Variants in NHSL2 observed in about 807,000 individuals in gnomAD.
NHSL2 encodes the protein NHS like 2.
Under a neutral mutation model 53.4 loss-of-function variants are expected in NHSL2, and 27 were observed. The observed-to-expected ratio is 0.51, with a 90% CI of 0.37 to 0.70. The LOEUF (loss-of-function observed/expected upper bound fraction) is 0.70. NHSL2 is among the 30% of genes least tolerant of loss of function. NHSL2 has a pLI of 0.00. For synonymous variants in NHSL2, 408 were observed against 404.1 expected (o/e 1.01, Z -0.12); for missense variants, 892 against 980.1 (o/e 0.91, Z 1.20).
intron 1 of NHSL2, among the ~76,000 whole-genome samples, chrX:72,014,015 A>C (rs749739882): frequency 8.9e-6 from 1 of 112,027 alleles, no homozygotes; most frequent in East Asian, 2.8e-4. Context: ...GGGCTATTCA[A>C]ATCATCTATT....
rs759639786 is a variant in NHSL2, at chrX:72,130,913, C to T, written c.281-1166C>T. On this transcript the variant is annotated intron_variant, in intron 1 of 7. Coordinates refer to ENST00000633930, the MANE Select transcript of NHSL2 (RefSeq NM_001013627.3). ...GGGAAGTTGGCATGCAAGGGGCTTC[C>T]TTCCTGGGTGACCGAGATGGCCCAG... 142 of 1,210,352 alleles carry T rather than the reference C, an allele frequency of 1.2e-4. 1 individual carries two copies. The South Asian group carries it at 2.5e-3, about 21-fold the overall frequency.
chrX:71,980,559 GGGTGTGTGGGGTGTGTGT>G (rs2041971718), intron 1 of NHSL2, among the ~76,000 whole-genome samples: 1 of 14,714 alleles, frequency 6.8e-5, no homozygotes, highest in African/African-American at 2.1e-4. Flanking sequence ...TGTGTGTGTG[GGGTGTGTGGGGTGTGTGT>G]GTGTGTGTGT....
intron 1 of NHSL2, among the ~76,000 whole-genome samples, chrX:72,118,660 G>A (rs1423843090): frequency 9.0e-6 from 1 of 111,709 alleles, no homozygotes; most frequent in Non-Finnish European, 1.9e-5. Context: ...TCCTGGCCTC[G>A]AGTGATCCTC....
Position 72,139,556 on chromosome X carries a change from C to T in NHSL2, c.2008C>T (p.Gln670Ter). ...CACAGTCATTGAGTGCACCCAAGTT[C>T]AGGGCAGCTCAGAGTCTCTTGCCTC... ...GTTVIECTQV[Q>*]GSSESLASPS... The change falls in exon 6 of 8, where the codon CAG (glutamine) becomes TAG (stop). Residue 670 changes from glutamine to a stop codon, truncating the protein, a stop_gained. Coordinates refer to ENST00000633930, the MANE Select transcript of NHSL2 (RefSeq NM_001013627.3). LOFTEE classifies it high-confidence loss of function. The T allele has an allele frequency of 8.3e-7, 1 of 1,210,768 alleles. No homozygotes were observed. Among genetic ancestry groups the T allele is most frequent in the Non-Finnish European group, 1.1e-6 (1 of 894,865 alleles).
At chrX:72,140,836 C>A in intron 6 of NHSL2, 65 bp downstream of exon 6, 1 of 922,872 alleles carries the variant, frequency 1.1e-6, no homozygotes, top group Non-Finnish European at 1.5e-6. Context: ...GAATGGAGTG[C>A]CAGAGATGGA....
At chrX:72,014,295 G>GTTATTT (rs1944435939) in intron 1 of NHSL2, among the ~76,000 whole-genome samples, 2 of 111,585 alleles carry the variant, frequency 1.8e-5, no homozygotes, top group Admixed American at 9.5e-5. Context: ...TATTTATGCT[G>GTTATTT]TTATTTTTAT....
At chrX:72,132,051 G>C in intron 1 of NHSL2, 28 bp from the exon 2 acceptor site, 1 of 1,162,140 alleles carries the variant, frequency 8.6e-7, no homozygotes, top group Non-Finnish European at 1.1e-6. Context: ...GCTCGCCTGC[G>C]CCTCTCACTG....
intron 1 of NHSL2, among the ~76,000 whole-genome samples, chrX:72,011,410 A>G (rs373862259): frequency 3.6e-5 from 4 of 112,658 alleles, no homozygotes; most frequent in East Asian, 5.6e-4. Context: ...GGTGGCTCAC[A>G]CCTGTAATCC....
intron 1 of NHSL2, among the ~76,000 whole-genome samples, chrX:71,983,004 G>A (rs199703401): frequency 1.8e-5 from 2 of 111,694 alleles, no homozygotes; most frequent in Non-Finnish European, 3.8e-5. Flanking sequence ...TTCAACCTGT[G>A]GGATATGATG....
At chrX:72,075,924 G>GTGTT (rs1259113698) in intron 1 of NHSL2, among the ~76,000 whole-genome samples, 1 of 107,685 alleles carries the variant, frequency 9.3e-6, no homozygotes, top group African/African-American at 3.4e-5. Context: ...GTGTGTGTGT[G>GTGTT]TGTGTTGTGT....
At chrX:72,084,644 C>T (rs1273380151) in intron 1 of NHSL2, among the ~76,000 whole-genome samples, 1 of 112,126 alleles carries the variant, frequency 8.9e-6, no homozygotes, top group Non-Finnish European at 1.9e-5. Flanking sequence ...GGCCGTCAGC[C>T]AGCAGCAGTT....
intron 1 of NHSL2, among the ~76,000 whole-genome samples, chrX:72,098,353 G>C (rs1452936259): frequency 1.8e-5 from 2 of 112,159 alleles, no homozygotes; most frequent in Admixed American, 9.4e-5. Context: ...AGCCGAGACG[G>C]GTGGATCACG....
intron 1 of NHSL2, among the ~76,000 whole-genome samples, chrX:72,085,161 C>G (rs2041826414): frequency 9.0e-6 from 1 of 111,666 alleles, no homozygotes. Flanking sequence ...CTTTAGACCT[C>G]ACTGCAAGTC....
chrX:72,142,644 A>G (rs1464820535), intron 7 of NHSL2, among the ~76,000 whole-genome samples: 2 of 110,344 alleles, frequency 1.8e-5, no homozygotes, highest in Non-Finnish European at 3.8e-5. Flanking sequence ...GTGCCGAGTG[A>G]GAGGCCCCTC....
chrX:71,911,155 C>G lies in NHSL2; in HGVS notation c.68C>G (p.Ala23Gly). The change falls in exon 1 of 8, where the codon GCG becomes GGG. Residue 23 changes from alanine to glycine, a missense_variant. Ala to Gly is a moderately conservative substitution (Grantham distance 60). Coordinates refer to ENST00000633930, the MANE Select transcript of NHSL2 (RefSeq NM_001013627.3). ...LCPRNPPQQLAELRDVSHLAA... is the reference protein window; with the variant it reads ...LCPRNPPQQLGELRDVSHLAA... ...CCGCGCAACCCGCCGCAGCAGCTGG[C>G]GGAGCTCCGCGACGTGAGCCACCTG... 1 of 1,126,381 alleles carries G rather than the reference C, an allele frequency of 8.9e-7. No individual in the cohort carries two copies. The highest frequency in any genetic ancestry group is 1.2e-6 in the Non-Finnish European group (1 of 857,360). The allele number at this position is 1,126,381 out of a possible 1,213,427, so 92.8% of individuals were successfully genotyped here.
At chrX:72,123,025 G>C (rs1416126070) in intron 1 of NHSL2, among the ~76,000 whole-genome samples, 1 of 112,425 alleles carries the variant, frequency 8.9e-6, no homozygotes, top group African/African-American at 3.2e-5. Flanking sequence ...TGGGGTCGGG[G>C]TTAGAGGGCC....
At chrX:71,951,454 A>C (rs748106979) in intron 1 of NHSL2, among the ~76,000 whole-genome samples, 9 of 112,041 alleles carry the variant, frequency 8.0e-5, no homozygotes, top group African/African-American at 2.9e-4. Context: ...TGTTTTCCCT[A>C]CTGGCTGCAC....
At position 72,139,134 on chromosome X, in the gene NHSL2, C is replaced by A; in HGVS notation, c.1586C>A (p.Thr529Lys). The change falls in exon 6 of 8, where the codon ACG becomes AAG. Residue 529 changes from threonine (T) to lysine (K), a missense_variant. Coordinates refer to ENST00000633930, the MANE Select transcript of NHSL2 (RefSeq NM_001013627.3). The stretch of plus-strand genomic sequence containing the variant: ...GCCTGTGCCCTGCCTTTTGCCAGTA[C>A]GAGCTCTGAGGGCAGTAACAGTGCT... The part of the protein sequence containing the change: ...NEACALPFAS[T>K]SSEGSNSADN... 1 of 1,172,194 alleles carries A rather than the reference C, an allele frequency of 8.5e-7. No homozygotes were observed. Among genetic ancestry groups the A allele is most frequent in the Non-Finnish European group, 1.1e-6 (1 of 874,994 alleles).
rs752392298 is a variant in NHSL2 at position 72,150,244 on chromosome X, A to G, written c.*6670A>G. 2.7e-5 allele frequency: 3 copies of G among 112,435 alleles called. No homozygotes were observed. Among genetic ancestry groups the G allele is most frequent in the East Asian group, 5.5e-4 (2 of 3,612 alleles). 9.3% of individuals were successfully genotyped at this position (112,435 alleles called of 1,213,427 possible). Reference sequence around the variant, plus strand: ...TGAAAAATGAGTTTTTTAGATATCAAGTATCATTTTTTAGAGGTAAACTTC... The same window carrying G: ...TGAAAAATGAGTTTTTTAGATATCAGGTATCATTTTTTAGAGGTAAACTTC... On this transcript the variant is annotated 3_prime_UTR_variant, in exon 8 of 8. Coordinates refer to ENST00000633930, the MANE Select transcript of NHSL2 (RefSeq NM_001013627.3).
Sources: allele counts gnomAD v4.1 joint callset (sites outside exome capture counted in the v4.1 genomes callset), GRCh38; gene constraint gnomAD v4.1.1; transcripts MANE v1.5; gene names NCBI Gene and HGNC (gene_info 2026-07-23, HGNC 2026-07-21).